PRDM5: variants seen among roughly 807,000 people sequenced by gnomAD.
The protein encoded by PRDM5 is PR/SET domain 5, also known as PR domain zinc finger protein 5.
In PRDM5, 56 loss-of-function variants were observed where a neutral mutation model predicts 81.2. That is an observed-to-expected ratio of 0.69 (90% CI 0.56 to 0.86). The LOEUF (loss-of-function observed/expected upper bound fraction) is 0.86, where lower values mean the gene tolerates loss of function less well. Among genes scored for constraint, PRDM5 ranks in the 40% least tolerant of loss-of-function variants. The probability of loss-of-function intolerance (pLI) is 0.00; values close to 1 mark genes in which losing one functional copy is unlikely to be tolerated. For synonymous variants in PRDM5, 267 were observed against 256.4 expected, an observed-to-expected ratio of 1.04 and a Z score of -0.39; for missense variants, 697 against 770.1, an observed-to-expected ratio of 0.91 and a Z score of 1.12.
intron 13 of PRDM5, among the ~76,000 whole-genome samples, chr4:120,776,564 C>A (rs1383225219): frequency 4.6e-5 from 7 of 152,160 alleles, no homozygotes; most frequent in Non-Finnish European, 1.0e-4. Context: ...TAATAGTATT[C>A]TTTCAAGTCT....
intron 14 of PRDM5, among the ~76,000 whole-genome samples, chr4:120,714,431 A>C (rs181516700): frequency 6.6e-6 from 1 of 152,178 alleles, no homozygotes; most frequent in East Asian, 1.9e-4. Flanking sequence ...CTTGCTGTTT[A>C]ATGGGACCCT....
At chr4:120,914,717 C>G (rs1273743975) in intron 1 of PRDM5, among the ~76,000 whole-genome samples, 1 of 152,170 alleles carries the variant, frequency 6.6e-6, no homozygotes, top group African/African-American at 2.4e-5. Flanking sequence ...ATGTTTATCA[C>G]AGCCCAATTC....
At chr4:120,904,217 C>CAAAAAAA (rs1765544381) in intron 2 of PRDM5, among the ~76,000 whole-genome samples, 1 of 22,912 alleles carries the variant, frequency 4.4e-5, no homozygotes, top group African/African-American at 1.2e-4. Context: ...AAAAAAACCT[C>CAAAAAAA]CTTCCTTTAT....
intron 2 of PRDM5, among the ~76,000 whole-genome samples, chr4:120,891,162 G>A (rs905742831): frequency 1.2e-4 from 19 of 152,134 alleles, no homozygotes; most frequent in Non-Finnish European, 2.5e-4. Flanking sequence ...ATCTGGTCTC[G>A]GGCTTTTTCT....
chr4:120,752,388 T>C (rs58779616), intron 14 of PRDM5, among the ~76,000 whole-genome samples: 7,903 of 152,230 alleles, frequency 0.052, 305 homozygotes, highest in African/African-American at 0.12. Flanking sequence ...CTTCTACTCA[T>C]TACTCATTGT....
intron 2 of PRDM5, among the ~76,000 whole-genome samples, chr4:120,889,103 TAAG>T (rs965605758): frequency 6.6e-6 from 1 of 152,110 alleles, no homozygotes; most frequent in African/African-American, 2.4e-5. Flanking sequence ...TTTTTCCACT[TAAG>T]GTTAGTGTTT....
chr4:120,726,604 G>T (rs746029681), intron 14 of PRDM5, among the ~76,000 whole-genome samples: 3 of 152,180 alleles, frequency 2.0e-5, no homozygotes, highest in Non-Finnish European at 4.4e-5. Flanking sequence ...CCCAGAAGAA[G>T]ATTCGATTAA....
chr4:120,774,640 C>T (rs1747782646), intron 13 of PRDM5, among the ~76,000 whole-genome samples: 1 of 152,132 alleles, frequency 6.6e-6, no homozygotes. Context: ...GGCCCAGATG[C>T]CAGCCACCAA....
intron 14 of PRDM5, among the ~76,000 whole-genome samples, chr4:120,727,509 G>C (rs1227507536): frequency 1.3e-5 from 2 of 152,144 alleles, no homozygotes; most frequent in Non-Finnish European, 2.9e-5. Flanking sequence ...TTTGAGACTT[G>C]GGTCAAGTCC....
rs149691499 is a variant in PRDM5, at chr4:120,818,689, A to G, written c.476-162T>C. 3.6e-3 allele frequency among the ~76,000 whole-genome samples: 550 copies of G among 152,310 alleles called. 3 individuals are homozygous for G. Among genetic ancestry groups the G allele is most frequent in the African/African-American group, 0.013 (527 of 41,550 alleles). ...ATATTAATAGTATTTGGCCACAAAAAAATAATAGCAAGTGTTACTAGAGAG... is the reference window on the plus strand; with the variant it reads ...ATATTAATAGTATTTGGCCACAAAAGAATAATAGCAAGTGTTACTAGAGAG... On this transcript the variant is annotated intron_variant, in intron 4 of 15. Coordinates refer to ENST00000264808, the MANE Select transcript of PRDM5 (RefSeq NM_018699.4).
At chr4:120,879,418 C>G (rs1762622674) in intron 2 of PRDM5, among the ~76,000 whole-genome samples, 1 of 152,102 alleles carries the variant, frequency 6.6e-6, no homozygotes, top group African/African-American at 2.4e-5. Flanking sequence ...CCCATTCCAC[C>G]TCCTCCACCT....
At chr4:120,690,282 A>C (rs1733990070), downstream of PRDM5, among the ~76,000 whole-genome samples, 1 of 152,196 alleles carries the variant, frequency 6.6e-6, no homozygotes, top group Non-Finnish European at 1.5e-5. Context: ...CTTTAAATGT[A>C]TTACTATACA....
intron 15 of PRDM5, among the ~76,000 whole-genome samples, chr4:120,697,026 ACATGCAACAG>A (rs1734601988): frequency 1.3e-5 from 2 of 152,194 alleles, no homozygotes; most frequent in Non-Finnish European, 1.5e-5. Context: ...GACCCAGGAA[ACATGCAACAG>A]CATAGCATAT....
intron 13 of PRDM5, among the ~76,000 whole-genome samples, chr4:120,756,498 T>C (rs1177869249): frequency 2.0e-5 from 3 of 152,186 alleles, no homozygotes; most frequent in African/African-American, 7.2e-5. Context: ...AATTTTTCTA[T>C]TTCAGGATGA....
chr4:120,735,430 C>T (rs531504823), intron 14 of PRDM5, among the ~76,000 whole-genome samples: 73 of 152,144 alleles, frequency 4.8e-4, no homozygotes, highest in Non-Finnish European at 7.8e-4. Context: ...AGTTAAAACA[C>T]TGATTCCAGC....
At chr4:120,685,386 T>C (rs1733792243) in intron 1 of PRDM5, among the ~76,000 whole-genome samples, 1 of 152,230 alleles carries the variant, frequency 6.6e-6, no homozygotes, top group East Asian at 1.9e-4. Context: ...GTTAAAAGAA[T>C]AGGTATCATT....
At chr4:120,829,458 C>T (rs1578902569) in intron 3 of PRDM5, among the ~76,000 whole-genome samples, 1 of 152,052 alleles carries the variant, frequency 6.6e-6, no homozygotes, top group Non-Finnish European at 1.5e-5. Flanking sequence ...CCATGCCTCA[C>T]TAGGATAAAT....
intron 3 of PRDM5, among the ~76,000 whole-genome samples, chr4:120,842,751 T>G (rs757032864): frequency 1.3e-4 from 20 of 152,200 alleles, no homozygotes; most frequent in Admixed American, 1.3e-4. Flanking sequence ...TTTCCCCCCA[T>G]GACAGCTTCA....
chr4:120,709,166 T>C (rs921079896), intron 15 of PRDM5, among the ~76,000 whole-genome samples: 5 of 152,200 alleles, frequency 3.3e-5, no homozygotes, highest in African/African-American at 1.2e-4. Flanking sequence ...AAGATGTCCA[T>C]ATGCAGCTAG....
Sources: allele counts gnomAD v4.1 joint callset (sites outside exome capture counted in the v4.1 genomes callset), GRCh38; gene constraint gnomAD v4.1.1; transcripts MANE v1.5; gene names NCBI Gene and HGNC (gene_info 2026-07-23, HGNC 2026-07-21).